PARVA: variants seen among roughly 807,000 people sequenced by gnomAD.
The protein encoded by PARVA is alpha-parvin.
PARVA carries 25 observed loss-of-function variants against 52.6 expected under a neutral mutation model. The observed-to-expected ratio is 0.48, with a 90% CI of 0.35 to 0.66. The LOEUF is 0.66. Ranked by LOEUF, PARVA falls within the 30% of genes least tolerant of loss-of-function variation. The pLI, the probability that PARVA is intolerant of heterozygous loss-of-function variation, is 0.01. For missense variants in PARVA, 373 were observed against 450.9 expected (o/e 0.83, Z 1.56); for synonymous variants, 185 against 179.1 (o/e 1.03, Z -0.26).
intron 1 of PARVA, among the ~76,000 whole-genome samples, chr11:12,405,580 A>G (rs1939891838): frequency 6.6e-6 from 1 of 152,042 alleles, no homozygotes; most frequent in South Asian, 2.1e-4. Context: ...ATAATAATAA[A>G]GACAAAAAAT....
chr11:12,401,403 G>C (rs1939825674), intron 1 of PARVA, among the ~76,000 whole-genome samples: 1 of 152,158 alleles, frequency 6.6e-6, no homozygotes, highest in Admixed American at 6.6e-5. Context: ...AGAGGCAAAG[G>C]TGGGATTTAA....
rs1331498561 is a variant in PARVA, at chr11:12,514,024, C to G, written c.826C>G (p.Leu276Val). The G allele has an allele frequency of 1.2e-6, 2 of 1,613,986 alleles. No homozygotes were observed. Among genetic ancestry groups the G allele is most frequent in the African/African-American group, 2.7e-5 (2 of 74,942 alleles). The change falls in exon 10 of 13, where the codon CTG becomes GTG. Residue 276 changes from leucine (L) to valine (V), a missense_variant. Coordinates refer to ENST00000334956, the MANE Select transcript of PARVA (RefSeq NM_018222.5). ...KTLITFVNKH[L>V]NKLNLEVTEL... ...ACTCATCACTTTCGTGAACAAGCACCTGAATAAACTGAACCTGGAGGTCAC... is the reference window on the plus strand; with the variant it reads ...ACTCATCACTTTCGTGAACAAGCACGTGAATAAACTGAACCTGGAGGTCAC...
chr11:12,503,571 C>A (rs1185274687), intron 5 of PARVA, among the ~76,000 whole-genome samples: 1 of 151,958 alleles, frequency 6.6e-6, no homozygotes, highest in East Asian at 1.9e-4. Flanking sequence ...TGGGACCTGG[C>A]AAAGAACTGA....
At chr11:12,377,563 G>T (rs1257706509), upstream of PARVA, 2 of 1,487,082 alleles carry the variant, frequency 1.3e-6, no homozygotes, top group Non-Finnish European at 1.8e-6. Flanking sequence ...TTGGAAAGCC[G>T]CAGCCTCAGT....
Position 12,528,881 on chromosome 11 carries a change from A to G in PARVA, c.*956A>G, listed in dbSNP as rs140990072. ...TTGGGAAGGATTTTGTTTAGAATTAATGGAGTGGCACATTTTGCAGCCTTT... is the reference window on the plus strand; with the variant it reads ...TTGGGAAGGATTTTGTTTAGAATTAGTGGAGTGGCACATTTTGCAGCCTTT... On this transcript the variant is annotated 3_prime_UTR_variant, in exon 13 of 13. Coordinates refer to ENST00000334956, the MANE Select transcript of PARVA (RefSeq NM_018222.5). 146 of 152,772 alleles carry G rather than the reference A, an allele frequency of 9.6e-4. 1 individual carries two copies. Among genetic ancestry groups the G allele is most frequent in the African/African-American group, 3.4e-3 (141 of 41,578 alleles). 9.5% of individuals were successfully genotyped at this position (152,772 alleles called of 1,614,324 possible).
chr11:12,495,774 T>A (rs1272863845), intron 4 of PARVA, among the ~76,000 whole-genome samples: 1 of 152,188 alleles, frequency 6.6e-6, no homozygotes, highest in Non-Finnish European at 1.5e-5. Context: ...ATTTTATACT[T>A]TTTGAAGGTG....
At chr11:12,448,669 C>T in intron 1 of PARVA, among the ~76,000 whole-genome samples, 1 of 152,162 alleles carries the variant, frequency 6.6e-6, no homozygotes. Flanking sequence ...AGCCTCAGGT[C>T]AAGATGTGTC....
intron 1 of PARVA, among the ~76,000 whole-genome samples, chr11:12,422,478 C>T (rs538153930): frequency 3.7e-4 from 57 of 152,290 alleles, no homozygotes; most frequent in African/African-American, 1.2e-3. Flanking sequence ...GTGGGCTTGT[C>T]GTCCAACAGC....
rs377296531 is a variant in PARVA at position 12,471,524 on chromosome 11, C to G, written c.137-2221C>G. On this transcript the variant is annotated intron_variant, in intron 1 of 12. Transcript: ENST00000334956. Reference sequence around the variant, plus strand: ...TATACACCATGGAACACTATGCAGCCATGAATAAAGAAAGGATCATGTAAT... The same window carrying G: ...TATACACCATGGAACACTATGCAGCGATGAATAAAGAAAGGATCATGTAAT... Among the ~76,000 whole-genome samples, 9 of 152,220 alleles carry G rather than the reference C, an allele frequency of 5.9e-5. No homozygotes were observed. In the East Asian group the frequency reaches 1.2e-3, roughly 20 times the overall value.
At position 12,533,992 on chromosome 11, in the gene PARVA, C is replaced by T. The variant is rs1941805292; in HGVS notation, c.*6067C>T. Among the ~76,000 whole-genome samples, 2 of 152,028 alleles carry T rather than the reference C, an allele frequency of 1.3e-5. No individual in the cohort carries two copies. The highest frequency in any genetic ancestry group is 1.3e-4 in the Admixed American group (2 of 15,262). ...GACTATCCTGGCTAATATGGTGAAACCCCGTCTGTACTAAAAATACAAAAA... is the reference window on the plus strand; with the variant it reads ...GACTATCCTGGCTAATATGGTGAAATCCCGTCTGTACTAAAAATACAAAAA... On this transcript the variant is annotated 3_prime_UTR_variant, in exon 13 of 13. Transcript: ENST00000334956.
chr11:12,513,290 CTT>C lies in PARVA; in HGVS notation c.737-5_737-4del. On this transcript the variant is annotated splice_polypyrimidine_tract_variant and splice_region_variant and intron_variant, in intron 8 of 12. Transcript: ENST00000334956. ...CTTGTGCTCCACATTGTGTTTCCCT[CTT>C]TTTCAGAACGTGATGCCTTTGACAC... is the stretch of plus-strand genomic sequence containing the variant. 1 of 1,613,290 alleles carries C rather than the reference CTT, an allele frequency of 6.2e-7. No homozygotes were observed. The highest frequency in any genetic ancestry group is 8.5e-7 in the Non-Finnish European group (1 of 1,179,308).
At position 12,481,661 on chromosome 11, in the gene PARVA, C is replaced by T. The variant is rs886448814; in HGVS notation, c.400+3712C>T. 5.3e-5 allele frequency among the ~76,000 whole-genome samples: 8 copies of T among 152,280 alleles called. No homozygotes were observed. The South Asian group carries it at 1.7e-3, about 32-fold the overall frequency. ...TCTGTACCTAGGTACAGTGCCCTTA[C>T]GTGGTGGTATTAACTAGGCATGACT... On this transcript the variant is annotated intron_variant, in intron 4 of 12. Coordinates refer to ENST00000334956, the MANE Select transcript of PARVA (RefSeq NM_018222.5).
intron 9 of PARVA, 70 bp from the exon 10 acceptor site, chr11:12,513,927 C>A: frequency 1.4e-6 from 2 of 1,424,088 alleles, no homozygotes; most frequent in South Asian, 1.2e-5. Context: ...TCACGGGAGT[C>A]ACGGAGCAGC....
At chr11:12,458,573 A>ACTCTC (rs199964982) in intron 1 of PARVA, among the ~76,000 whole-genome samples, 1 of 110,540 alleles carries the variant, frequency 9.0e-6, no homozygotes, top group South Asian at 3.3e-4. Context: ...CTAAAAATAT[A>ACTCTC]CTAACTCCCC....
chr11:12,505,578 T>A (rs1274481565), intron 6 of PARVA, among the ~76,000 whole-genome samples: 4 of 152,150 alleles, frequency 2.6e-5, no homozygotes, highest in Non-Finnish European at 5.9e-5. Flanking sequence ...GGACTACAAG[T>A]AAGAAGCAGA....
At chr11:12,413,039 TAAC>T (rs562605160) in intron 1 of PARVA, among the ~76,000 whole-genome samples, 32 of 152,366 alleles carry the variant, frequency 2.1e-4, no homozygotes, top group Middle Eastern at 3.4e-3. Flanking sequence ...AGAGTAATAA[TAAC>T]AATAGCTCTT....
chr11:12,534,985 T>C lies in PARVA; in HGVS notation c.*7060T>C, dbSNP rs535062700. 8.5e-5 allele frequency among the ~76,000 whole-genome samples: 13 copies of C among 152,322 alleles called. No individual in the cohort carries two copies. The highest frequency in any genetic ancestry group is 2.6e-4 in the African/African-American group (11 of 41,576). On this transcript the variant is annotated 3_prime_UTR_variant, in exon 13 of 13. Transcript: ENST00000334956. ...TGACTTAAAATGATGGACAATAAGA[T>C]AGTGAGCAGTAAGTGTGCTCTAGGC...
chr11:12,466,513 C>T (rs1589968349), intron 1 of PARVA, among the ~76,000 whole-genome samples: 2 of 152,040 alleles, frequency 1.3e-5, no homozygotes, highest in South Asian at 4.2e-4. Flanking sequence ...ACTATGTTGG[C>T]CAGGCTGGTC....
chr11:12,504,493 G>T, intron 6 of PARVA, 64 bp downstream of exon 6: 1 of 963,352 alleles, frequency 1.0e-6, no homozygotes, highest in Non-Finnish European at 1.6e-6. Flanking sequence ...AGTTCCTATG[G>T]TGCGTCGAGT....
Sources: gnomAD v4.1 joint callset for allele counts (sites outside exome capture counted in the v4.1 genomes callset) on GRCh38, gnomAD v4.1.1 for gene constraint, MANE v1.5 for transcripts, NCBI Gene and HGNC (gene_info 2026-07-23, HGNC 2026-07-21) for gene names.